The following ESR1 variants were observed in gnomAD, a reference collection of about 807,000 sequenced individuals.
The protein encoded by ESR1 is estrogen receptor.
A neutral mutation model predicts 52.7 loss-of-function variants in ESR1; 12 were observed. The observed-to-expected ratio is 0.23, with a 90% CI of 0.15 to 0.37. The LOEUF (loss-of-function observed/expected upper bound fraction) is 0.37, where lower values mean the gene tolerates loss of function less well. Among genes scored for constraint, ESR1 ranks in the 10% least tolerant of loss-of-function variants. The probability of loss-of-function intolerance (pLI) is 1.00; values close to 1 mark genes in which losing one functional copy is unlikely to be tolerated. For synonymous variants in ESR1, 305 were observed against 316.8 expected, an observed-to-expected ratio of 0.96 and a Z score of 0.39; for missense variants, 584 against 779.7, an observed-to-expected ratio of 0.75 and a Z score of 2.99.
chr6:151,962,801 C>T (rs1267675133), intron 4 of ESR1, among the ~76,000 whole-genome samples: 2 of 152,094 alleles, frequency 1.3e-5, no homozygotes, highest in Non-Finnish European at 2.9e-5. Context: ...GTAGGCAGGA[C>T]TATTTTTTAA....
At chr6:152,031,474 A>G (rs1384045954) in intron 5 of ESR1, among the ~76,000 whole-genome samples, 2 of 152,248 alleles carry the variant, frequency 1.3e-5, no homozygotes, top group Non-Finnish European at 2.9e-5. Context: ...CTGATCCCAC[A>G]GAAATACAAA....
At chr6:151,894,865 T>C (rs1269346139) in intron 3 of ESR1, among the ~76,000 whole-genome samples, 1 of 152,214 alleles carries the variant, frequency 6.6e-6, no homozygotes, top group Non-Finnish European at 1.5e-5. Flanking sequence ...ACTTTGGCTA[T>C]GTGGGCTCTT....
upstream of ESR1, chr6:151,807,502 CAAGTA>C: frequency 5.4e-5 from 16 of 298,822 alleles, no homozygotes; most frequent in Admixed American, 1.2e-4. Flanking sequence ...GCAGCGACGA[CAAGTA>C]AAGTAAAGTT....
chr6:152,032,431 G>A (rs779287268), intron 5 of ESR1, among the ~76,000 whole-genome samples: 3 of 152,162 alleles, frequency 2.0e-5, no homozygotes, highest in African/African-American at 4.8e-5. Context: ...CTGATAAGCA[G>A]CTTCAGCAAA....
At chr6:151,755,650 T>C (rs565074465) in intron 2 of ESR1, among the ~76,000 whole-genome samples, 14 of 151,896 alleles carry the variant, frequency 9.2e-5, no homozygotes, top group Non-Finnish European at 1.6e-4. Context: ...CTTTTTTTTT[T>C]TACAGAATCT....
At chr6:151,973,763 G>A (rs1034420619) in intron 4 of ESR1, among the ~76,000 whole-genome samples, 6 of 152,112 alleles carry the variant, frequency 3.9e-5, no homozygotes, top group Non-Finnish European at 5.9e-5. Context: ...GAAGTTTTGC[G>A]TCCTGTTGAA....
chr6:151,791,057 T>C (rs1776101867), intron 2 of ESR1, among the ~76,000 whole-genome samples: 1 of 152,206 alleles, frequency 6.6e-6, no homozygotes, highest in Admixed American at 6.5e-5. Flanking sequence ...TGGTCATGAA[T>C]AGAAAGAGCA....
chr6:151,911,295 C>T (rs532382921), intron 3 of ESR1, among the ~76,000 whole-genome samples: 25 of 152,290 alleles, frequency 1.6e-4, no homozygotes, highest in African/African-American at 4.1e-4. Context: ...AAAGGCTATC[C>T]GTCGTGCTAA....
At chr6:151,913,674 C>A (rs1798623969) in intron 3 of ESR1, among the ~76,000 whole-genome samples, 1 of 152,122 alleles carries the variant, frequency 6.6e-6, no homozygotes, top group African/African-American at 2.4e-5. Context: ...GTCCATACAT[C>A]TTCAGTTTTA....
chr6:151,982,228 A>C (rs2040058284), intron 4 of ESR1, among the ~76,000 whole-genome samples: 1 of 152,144 alleles, frequency 6.6e-6, no homozygotes. Context: ...TGGGCCTCTG[A>C]AGCCCTGGCC....
chr6:151,896,058 C>A (rs1244910372), intron 3 of ESR1, among the ~76,000 whole-genome samples: 1 of 152,188 alleles, frequency 6.6e-6, no homozygotes, highest in Non-Finnish European at 1.5e-5. Flanking sequence ...AAAGGACTCT[C>A]AAAGTGTTGG....
chr6:151,798,782 G>C (rs1776950924), intron 2 of ESR1, among the ~76,000 whole-genome samples: 1 of 152,182 alleles, frequency 6.6e-6, no homozygotes, highest in Admixed American at 6.5e-5. Context: ...CAATTTAGCA[G>C]ATATAGGAAA....
intron 4 of ESR1, among the ~76,000 whole-genome samples, chr6:151,993,801 G>A (rs1017316186): frequency 6.6e-6 from 1 of 152,042 alleles, no homozygotes; most frequent in African/African-American, 2.4e-5. Flanking sequence ...AAGGCCACAC[G>A]GCTTCTTAGT....
intron 1 of ESR1, among the ~76,000 whole-genome samples, chr6:151,697,124 G>C (rs535380292): frequency 6.6e-6 from 1 of 152,168 alleles, no homozygotes; most frequent in Non-Finnish European, 1.5e-5. Context: ...GGATTGGAAT[G>C]AAATAAAGAC....
At chr6:151,800,643 T>A (rs1777147122), upstream of ESR1, among the ~76,000 whole-genome samples, 1 of 152,124 alleles carries the variant, frequency 6.6e-6, no homozygotes, top group Non-Finnish European at 1.5e-5. Flanking sequence ...AGAAAATAAA[T>A]CGCTGTTGTT....
chr6:152,058,569 A>C (rs573869310), intron 5 of ESR1, among the ~76,000 whole-genome samples: 17 of 152,338 alleles, frequency 1.1e-4, no homozygotes, highest in African/African-American at 4.1e-4. Context: ...TTATTTGGGA[A>C]TAGGATGACA....
intron 2 of ESR1, among the ~76,000 whole-genome samples, chr6:151,859,959 A>G (rs57989010): frequency 0.069 from 10,441 of 152,116 alleles, 783 homozygotes; most frequent in East Asian, 0.23. Flanking sequence ...TGCTTAACCT[A>G]CAGGTGCTCT....
intron 3 of ESR1, among the ~76,000 whole-genome samples, chr6:151,900,629 G>C (rs1175443680): frequency 2.0e-5 from 3 of 152,224 alleles, no homozygotes; most frequent in African/African-American, 4.8e-5. Context: ...TTGTCCCACA[G>C]GTTGTTTTCT....
At chr6:152,018,384 T>C (rs2043331059) in intron 5 of ESR1, among the ~76,000 whole-genome samples, 1 of 151,690 alleles carries the variant, frequency 6.6e-6, no homozygotes, top group Non-Finnish European at 1.5e-5. Flanking sequence ...CATGTAAAAC[T>C]TCAGGTAAAT....
Sources: gnomAD v4.1 joint callset for allele counts (sites outside exome capture counted in the v4.1 genomes callset) on GRCh38, gnomAD v4.1.1 for gene constraint, MANE v1.5 for transcripts, NCBI Gene and HGNC (gene_info 2026-07-23, HGNC 2026-07-21) for gene names.